HACD1: variants seen among roughly 807,000 people sequenced by gnomAD.
The protein encoded by HACD1 is very-long-chain (3R)-3-hydroxyacyl-CoA dehydratase 1.
Under a neutral mutation model 32.0 loss-of-function variants are expected in HACD1, and 41 were observed. The observed-to-expected ratio is 1.28, with a 90% CI of 1.00 to 1.66. The LOEUF is 1.66. Among genes scored for constraint, HACD1 ranks in the 40% most tolerant of loss-of-function variants. The pLI is 0.00. For synonymous variants in HACD1, 142 were observed against 139.0 expected, an observed-to-expected ratio of 1.02 and a Z score of -0.15; for missense variants, 396 against 380.1, an observed-to-expected ratio of 1.04 and a Z score of -0.35.
intron 1 of HACD1, chr10:17,615,354 G>A (rs1341972496): frequency 6.6e-6 from 1 of 152,130 alleles, no homozygotes; most frequent in Non-Finnish European, 1.5e-5. Flanking sequence ...GACTTTAAAG[G>A]ACTAAAAATA....
chr10:17,599,243 T>C (rs112852728), intron 5 of HACD1, 47 bp downstream of exon 5: 1 of 1,597,590 alleles, frequency 6.3e-7, no homozygotes, highest in South Asian at 1.1e-5. Context: ...GCACACAAAA[T>C]AAGCATGCAC....
chr10:17,606,041 G>A (rs1554817019), intron 1 of HACD1, among the ~76,000 whole-genome samples: 3 of 151,994 alleles, frequency 2.0e-5, no homozygotes, highest in East Asian at 1.9e-4. Context: ...GAGGCATGGC[G>A]GCACATGCCT....
chr10:17,605,581 AC>A (rs1554816979), intron 1 of HACD1, among the ~76,000 whole-genome samples: 1 of 151,778 alleles, frequency 6.6e-6, no homozygotes, highest in Middle Eastern at 3.2e-3. Context: ...ACTAAAAACA[AC>A]AACAACAACA....
intron 4 of HACD1, among the ~76,000 whole-genome samples, chr10:17,601,064 C>G (rs1416720815): frequency 6.7e-6 from 1 of 150,302 alleles, no homozygotes; most frequent in Non-Finnish European, 1.5e-5. Flanking sequence ...GACAGAATCT[C>G]GCTCTGTCAC....
chr10:17,590,310 G>C lies in HACD1; in HGVS notation c.*54C>G, dbSNP rs1262633202. 1 of 1,263,322 alleles carries C rather than the reference G, an allele frequency of 7.9e-7. No individual in the cohort carries two copies. Among genetic ancestry groups the C allele is most frequent in the Non-Finnish European group, 1.1e-6 (1 of 896,214 alleles). 78.3% of individuals were successfully genotyped at this position (1,263,322 alleles called of 1,614,324 possible). On this transcript the variant is annotated 3_prime_UTR_variant, in exon 7 of 7. Transcript: ENST00000361271. ...TTGTTTATTCTTGTTATTAAAACTT[G>C]GACTCAGGTAATCTTGGTTATTCTG...
chr10:17,598,020 G>A (rs782105920), intron 5 of HACD1, among the ~76,000 whole-genome samples: 2 of 151,638 alleles, frequency 1.3e-5, no homozygotes, highest in African/African-American at 2.4e-5. Context: ...AGCACTTAGG[G>A]AGGCCGAGGT....
At chr10:17,593,816 A>G (rs1554815765) in intron 6 of HACD1, among the ~76,000 whole-genome samples, 1 of 152,252 alleles carries the variant, frequency 6.6e-6, no homozygotes, top group Non-Finnish European at 1.5e-5. Context: ...CTTAATGAAT[A>G]GATAGAAATG....
chr10:17,607,871 C>T (rs1834170546), intron 1 of HACD1, among the ~76,000 whole-genome samples: 1 of 152,184 alleles, frequency 6.6e-6, no homozygotes, highest in African/African-American at 2.4e-5. Context: ...TTCCTAAGCC[C>T]TCCATCAGAA....
At chr10:17,592,690 C>T (rs1190312264) in intron 6 of HACD1, among the ~76,000 whole-genome samples, 1 of 152,178 alleles carries the variant, frequency 6.6e-6, no homozygotes, top group Non-Finnish European at 1.5e-5. Context: ...GTCAGACAGA[C>T]ACCGAAGCAA....
chr10:17,590,573 T>C, intron 6 of HACD1, 127 bp from the exon 7 acceptor site: 1 of 601,270 alleles, frequency 1.7e-6, no homozygotes, highest in Non-Finnish European at 2.8e-6. Flanking sequence ...CCTGGATATT[T>C]ACAGAGCTCA....
At chr10:17,614,730 AC>A (rs71393024) in intron 1 of HACD1, among the ~76,000 whole-genome samples, 152,172 of 152,172 alleles carry the variant, frequency 1, 76,086 homozygotes, top group Non-Finnish European at 1. Context: ...AAAGGAAATA[AC>A]AAGGAAACGT....
intron 5 of HACD1, among the ~76,000 whole-genome samples, chr10:17,598,908 G>T (rs1834030096): frequency 6.6e-6 from 1 of 151,782 alleles, no homozygotes; most frequent in Non-Finnish European, 1.5e-5. Flanking sequence ...GGTATAAATT[G>T]TGGCTGCTAG....
At chr10:17,613,001 G>C (rs1833013041) in intron 1 of HACD1, among the ~76,000 whole-genome samples, 1 of 151,700 alleles carries the variant, frequency 6.6e-6, no homozygotes, top group Non-Finnish European at 1.5e-5. Context: ...GAAAATGAAA[G>C]TGTGTGATAG....
chr10:17,607,944 C>T (rs975815726), intron 1 of HACD1, among the ~76,000 whole-genome samples: 10 of 152,170 alleles, frequency 6.6e-5, no homozygotes, highest in Admixed American at 6.6e-4. Context: ...GAACTTCCTT[C>T]ATCTATCGGT....
At chr10:17,613,239 C>A (rs1287745018) in intron 1 of HACD1, among the ~76,000 whole-genome samples, 3 of 151,638 alleles carry the variant, frequency 2.0e-5, no homozygotes, top group Non-Finnish European at 4.4e-5. Context: ...TCCTGAGTAG[C>A]TGGGATTACA....
chr10:17,611,377 T>G (rs1372044609), intron 1 of HACD1, among the ~76,000 whole-genome samples: 1 of 152,202 alleles, frequency 6.6e-6, no homozygotes, highest in Non-Finnish European at 1.5e-5. Flanking sequence ...TCCCCACTTA[T>G]GCCTACTTAA....
At position 17,617,348 on chromosome 10, in the gene HACD1, C is replaced by T. The variant is rs117194385; in HGVS notation, c.-9G>A. 0.03 allele frequency: 40,894 copies of T among 1,369,048 alleles called. 711 individuals are homozygous for T. The highest frequency in any genetic ancestry group is 0.065 in the East Asian group (2,108 of 32,196). The allele number at this position is 1,369,048 out of a possible 1,614,324, so 84.8% of individuals were successfully genotyped here. ...TCCGTCAGGCGCCCCATGTGCAGCG[C>T]GCAGGGGGCTCGGCGCAGCCAGCTC... On this transcript the variant is annotated 5_prime_UTR_variant, in exon 1 of 7. Transcript: ENST00000361271.
intron 1 of HACD1, among the ~76,000 whole-genome samples, chr10:17,610,594 G>C (rs531634599): frequency 2.8e-4 from 42 of 151,186 alleles, no homozygotes; most frequent in Admixed American, 6.6e-4. Flanking sequence ...GCAGTGAGCT[G>C]AGCTGGTGCT....
Position 17,617,364 on chromosome 10 carries a change from C to T in HACD1, c.-25G>A, listed in dbSNP as rs1417358877. ...TGTGCAGCGCGCAGGGGGCTCGGCG[C>T]AGCCAGCTCTACCGACCGCGAGGGG... On this transcript the variant is annotated 5_prime_UTR_variant, in exon 1 of 7. Coordinates refer to ENST00000361271, the MANE Select transcript of HACD1 (RefSeq NM_014241.4). The T allele has an allele frequency of 7.5e-7, 1 of 1,337,586 alleles. No homozygotes were observed. Among genetic ancestry groups the T allele is most frequent in the East Asian group, 3.1e-5 (1 of 31,916 alleles). 82.9% of individuals were successfully genotyped at this position (1,337,586 alleles called of 1,614,324 possible).
Sources: allele counts gnomAD v4.1 joint callset (sites outside exome capture counted in the v4.1 genomes callset), GRCh38; gene constraint gnomAD v4.1.1; transcripts MANE v1.5; gene names NCBI Gene and HGNC (gene_info 2026-07-23, HGNC 2026-07-21).